The following RARB variants were observed in gnomAD, a reference collection of about 807,000 sequenced individuals.
RARB encodes the protein retinoic acid receptor beta, also known as HBV-activated protein.
RARB carries 17 observed loss-of-function variants against 51.9 expected under a neutral mutation model. The ratio of observed to expected loss-of-function variants is 0.33; its 90% CI spans 0.22 to 0.49. RARB has a LOEUF of 0.49. Among genes scored for constraint, RARB ranks in the 20% least tolerant of loss-of-function variants. The probability of loss-of-function intolerance (pLI) is 0.99; values close to 1 mark genes in which losing one functional copy is unlikely to be tolerated. For synonymous variants in RARB, 215 were observed against 195.4 expected, an observed-to-expected ratio of 1.10 and a Z score of -0.84; for missense variants, 369 against 550.8, an observed-to-expected ratio of 0.67 and a Z score of 3.30.
At chr3:25,241,219 C>G (rs1017194096) in intron 5 of RARB, among the ~76,000 whole-genome samples, 1 of 152,132 alleles carries the variant, frequency 6.6e-6, no homozygotes, top group Non-Finnish European at 1.5e-5. Context: ...TATATTTGTA[C>G]AATTTCCAAA....
intron 3 of RARB, among the ~76,000 whole-genome samples, chr3:25,109,630 C>G (rs1462378884): frequency 6.6e-6 from 1 of 152,204 alleles, no homozygotes; most frequent in Non-Finnish European, 1.5e-5. Flanking sequence ...TCTGCAACCA[C>G]ATTCATCATT....
At chr3:25,475,100 G>A (rs66852512) in intron 2 of RARB, among the ~76,000 whole-genome samples, 19,543 of 152,142 alleles carry the variant, frequency 0.13, 1,341 homozygotes, top group Middle Eastern at 0.27. Context: ...CTATGCTCAC[G>A]TGTATGATGT....
At chr3:25,299,381 G>T (rs1163510471) in intron 5 of RARB, among the ~76,000 whole-genome samples, 1 of 152,050 alleles carries the variant, frequency 6.6e-6, no homozygotes, top group Non-Finnish European at 1.5e-5. Flanking sequence ...TATTTATTTT[G>T]TAGAGAAAGA....
At chr3:25,268,330 G>T (rs2125410065) in intron 5 of RARB, among the ~76,000 whole-genome samples, 1 of 151,628 alleles carries the variant, frequency 6.6e-6, no homozygotes, top group Non-Finnish European at 1.5e-5. Context: ...GTGGCTAAAT[G>T]CACATCTGTA....
intron 3 of RARB, among the ~76,000 whole-genome samples, chr3:25,078,682 C>T (rs981979465): frequency 2.6e-5 from 4 of 152,118 alleles, no homozygotes; most frequent in African/African-American, 9.7e-5. Flanking sequence ...CAGGCATCCG[C>T]CACCACGCTT....
intron 4 of RARB, among the ~76,000 whole-genome samples, chr3:25,137,123 C>T (rs952299300): frequency 6.6e-6 from 1 of 151,986 alleles, no homozygotes; most frequent in Non-Finnish European, 1.5e-5. Context: ...ACTACTAGCC[C>T]TATTATTATC....
At chr3:25,300,263 T>A (rs1378406394) in intron 5 of RARB, among the ~76,000 whole-genome samples, 2 of 152,242 alleles carry the variant, frequency 1.3e-5, no homozygotes, top group African/African-American at 2.4e-5. Context: ...GCATAACTCC[T>A]CAATGTGGAA....
chr3:25,132,563 C>T (rs867426593), intron 4 of RARB, among the ~76,000 whole-genome samples: 5 of 151,786 alleles, frequency 3.3e-5, no homozygotes, highest in Admixed American at 2.0e-4. Context: ...TCTCAAAAAA[C>T]GTTATGCTTG....
At chr3:25,300,286 T>A (rs1218767567) in intron 5 of RARB, among the ~76,000 whole-genome samples, 1 of 152,218 alleles carries the variant, frequency 6.6e-6, no homozygotes, top group African/African-American at 2.4e-5. Context: ...ATGAGTAAGA[T>A]GCTGTAAAAT....
At chr3:25,573,796 G>A (rs146951880) in intron 4 of RARB, among the ~76,000 whole-genome samples, 190 of 152,304 alleles carry the variant, frequency 1.2e-3, no homozygotes, top group African/African-American at 4.4e-3. Context: ...TGGGCAGAGA[G>A]GAATAAGAAA....
intron 5 of RARB, among the ~76,000 whole-genome samples, chr3:25,328,238 G>C (rs1213467995): frequency 1.3e-5 from 2 of 152,254 alleles, no homozygotes; most frequent in African/African-American, 4.8e-5. Context: ...GTTGCCTCTA[G>C]GCCGGGTGCA....
intron 4 of RARB, among the ~76,000 whole-genome samples, chr3:25,138,118 G>A (rs1248821068): frequency 1.3e-5 from 2 of 152,048 alleles, no homozygotes; most frequent in Admixed American, 6.6e-5. Flanking sequence ...TGAGAATTTC[G>A]GTCTTCAGGG....
intron 5 of RARB, among the ~76,000 whole-genome samples, chr3:25,212,663 A>G (rs913402035): frequency 6.6e-6 from 1 of 152,214 alleles, no homozygotes; most frequent in South Asian, 2.1e-4. Flanking sequence ...ACAATGTGCT[A>G]TCCAGACCAT....
intron 2 of RARB, among the ~76,000 whole-genome samples, chr3:25,500,166 T>G (rs1222890776): frequency 6.6e-6 from 1 of 152,220 alleles, no homozygotes; most frequent in Non-Finnish European, 1.5e-5. Flanking sequence ...GCATTTGAAA[T>G]GTAGCTAATG....
chr3:25,378,568 C>T (rs552415330), intron 5 of RARB, among the ~76,000 whole-genome samples: 1 of 152,324 alleles, frequency 6.6e-6, no homozygotes, highest in East Asian at 1.9e-4. Context: ...GAGAAACCTA[C>T]ATTCCTCTGT....
chr3:25,528,669 A>G (rs1459112746), intron 3 of RARB, among the ~76,000 whole-genome samples: 2 of 152,148 alleles, frequency 1.3e-5, no homozygotes, highest in South Asian at 4.2e-4. Context: ...GGAAGGGCCC[A>G]TTCCTCTCAA....
chr3:25,133,109 GATTTA>G (rs1699978417), intron 4 of RARB, among the ~76,000 whole-genome samples: 1 of 151,890 alleles, frequency 6.6e-6, no homozygotes, highest in African/African-American at 2.4e-5. Flanking sequence ...AGTTCTTTTA[GATTTA>G]ATTTAGACAT....
At chr3:25,391,524 T>C (rs112670814) in intron 5 of RARB, among the ~76,000 whole-genome samples, 56 of 152,286 alleles carry the variant, frequency 3.7e-4, no homozygotes, top group African/African-American at 1.3e-3. Flanking sequence ...AGTGCAAAAG[T>C]GTTCCCTTTT....
chr3:25,511,509 A>G (rs547922409), intron 3 of RARB, among the ~76,000 whole-genome samples: 1 of 152,276 alleles, frequency 6.6e-6, no homozygotes, highest in East Asian at 1.9e-4. Flanking sequence ...TAATACAAAC[A>G]TTTCCTCTAA....
Sources: gnomAD v4.1 joint callset for allele counts (sites outside exome capture counted in the v4.1 genomes callset) on GRCh38, gnomAD v4.1.1 for gene constraint, MANE v1.5 for transcripts, NCBI Gene and HGNC (gene_info 2026-07-23, HGNC 2026-07-21) for gene names.